The following ATIC variants were observed in gnomAD, a reference collection of about 807,000 sequenced individuals.
ATIC encodes the protein 5-aminoimidazole-4-carboxamide ribonucleotide formyltransferase/IMP cyclohydrolase, also known as bifunctional purine biosynthesis protein ATIC.
A neutral mutation model predicts 72.5 loss-of-function variants in ATIC; 64 were observed. The ratio of observed to expected loss-of-function variants is 0.88; its 90% CI spans 0.72 to 1.09. The LOEUF (loss-of-function observed/expected upper bound fraction) is 1.09. ATIC is among the 50% of genes least tolerant of loss of function. The pLI, the probability that ATIC is intolerant of heterozygous loss-of-function variation, is 0.00. For missense variants in ATIC, 787 were observed against 732.4 expected, an observed-to-expected ratio of 1.07 and a Z score of -0.86; for synonymous variants, 281 against 267.1, an observed-to-expected ratio of 1.05 and a Z score of -0.51.
the ATIC span, among the ~76,000 whole-genome samples, chr2:215,355,786 C>A: frequency 6.6e-6 from 1 of 152,208 alleles, no homozygotes; most frequent in South Asian, 2.1e-4. Context: ...GCTAGAAGGC[C>A]CCCACATTCC....
the ATIC span, among the ~76,000 whole-genome samples, chr2:215,359,189 A>G: frequency 6.6e-6 from 1 of 152,154 alleles, no homozygotes; most frequent in Non-Finnish European, 1.5e-5. Context: ...CGGCCCTTAC[A>G]CTGCATTTTA....
intron 7 of ATIC, among the ~76,000 whole-genome samples, chr2:215,329,040 A>G (rs769348497): frequency 4.3e-4 from 65 of 152,274 alleles, no homozygotes; most frequent in Non-Finnish European, 7.4e-4. Flanking sequence ...TTGAGAGCAG[A>G]AGCTGCATCT....
chr2:215,316,410 C>A (rs2052709804), intron 2 of ATIC, among the ~76,000 whole-genome samples: 1 of 152,142 alleles, frequency 6.6e-6, no homozygotes, highest in African/African-American at 2.4e-5. Flanking sequence ...CCAGGAAATT[C>A]CGTATCTTAC....
intron 11 of ATIC, among the ~76,000 whole-genome samples, chr2:215,338,016 A>T (rs1429943937): frequency 6.6e-6 from 1 of 152,248 alleles, no homozygotes; most frequent in Admixed American, 6.5e-5. Flanking sequence ...GGAACATTTT[A>T]GAATTCAAGA....
chr2:215,323,302 C>T (rs915390059), intron 4 of ATIC, among the ~76,000 whole-genome samples: 9 of 152,126 alleles, frequency 5.9e-5, no homozygotes, highest in Non-Finnish European at 1.5e-5. Context: ...CTTGCATTTC[C>T]ACATGATTTT....
chr2:215,341,860 G>A (rs930456269), intron 12 of ATIC, among the ~76,000 whole-genome samples: 2 of 152,110 alleles, frequency 1.3e-5, no homozygotes, highest in African/African-American at 4.8e-5. Context: ...AAATTCCTGA[G>A]ACTGGGCAAT....
intron 12 of ATIC, among the ~76,000 whole-genome samples, chr2:215,339,376 G>A (rs1345099940): frequency 6.6e-6 from 1 of 152,080 alleles, no homozygotes; most frequent in Non-Finnish European, 1.5e-5. Flanking sequence ...AATTAGCCTG[G>A]CGTGGTAGCT....
intron 2 of ATIC, among the ~76,000 whole-genome samples, chr2:215,316,785 G>A (rs952103845): frequency 2.6e-5 from 4 of 152,026 alleles, no homozygotes; most frequent in East Asian, 1.9e-4. Context: ...TTTTTGAGAC[G>A]GAGTTTTGCT....
the ATIC span, chr2:215,365,057 T>C: frequency 1.1e-6 from 1 of 948,280 alleles, no homozygotes; most frequent in Non-Finnish European, 1.7e-6. Context: ...AGGGGTGGGT[T>C]CTATTTCTGT....
At position 215,318,200 on chromosome 2, in the gene ATIC, C is replaced by T. The variant is rs759545338; in HGVS notation, c.190C>T (p.Arg64Cys). 19 of 1,613,826 alleles carry T rather than the reference C, an allele frequency of 1.2e-5. No homozygotes were observed. Among genetic ancestry groups the T allele is most frequent in the Non-Finnish European group, 1.3e-5 (15 of 1,179,956 alleles). ...LTGFPEMLGG[R>C]VKTLHPAVHA... is the part of the protein sequence containing the mutation. The stretch of plus-strand genomic sequence containing the variant: ...GGGATTTCCTGAAATGTTGGGGGGA[C>T]GTGTGAAAACTTTGCATCCTGCAGT... The change falls in exon 3 of 16, where the codon CGT becomes TGT. Residue 64 changes from arginine (R) to cysteine (C), a missense_variant. Physicochemically the swap from Arg to Cys is radical, Grantham distance 180. Coordinates refer to ENST00000236959, the MANE Select transcript of ATIC (RefSeq NM_004044.7).
chr2:215,365,237 C>T, the ATIC span, among the ~76,000 whole-genome samples: 2 of 152,142 alleles, frequency 1.3e-5, no homozygotes, highest in African/African-American at 2.4e-5. Flanking sequence ...AATCTACAGA[C>T]CAATAAAGCT....
At chr2:215,355,974 A>G in the ATIC span, among the ~76,000 whole-genome samples, 4 of 152,240 alleles carry the variant, frequency 2.6e-5, no homozygotes, top group Non-Finnish European at 5.9e-5. Context: ...AAGGCTGAAT[A>G]GCTTCTGGCT....
At chr2:215,324,000 G>A (rs551070745) in intron 4 of ATIC, among the ~76,000 whole-genome samples, 1 of 152,252 alleles carries the variant, frequency 6.6e-6, no homozygotes, top group African/African-American at 2.4e-5. Context: ...AACCTCAGTT[G>A]ATCCATCCTC....
At chr2:215,351,204 C>T (rs1416390308), downstream of ATIC, among the ~76,000 whole-genome samples, 2 of 152,166 alleles carry the variant, frequency 1.3e-5, no homozygotes, top group Admixed American at 1.3e-4. Flanking sequence ...CATGAGTGAG[C>T]CATCTCAGAG....
the ATIC span, chr2:215,365,644 G>A: frequency 2.0e-5 from 32 of 1,613,632 alleles, no homozygotes; most frequent in East Asian, 6.0e-4. Context: ...TAGGGGTGGG[G>A]AAAGTCAGGA....
chr2:215,349,053 G>A (rs376021465), intron 14 of ATIC, 41 bp from the exon 15 acceptor site: 68 of 1,610,252 alleles, frequency 4.2e-5, no homozygotes, highest in African/African-American at 3.2e-4. Context: ...AACTAAAGAC[G>A]ATGTCAGACC....
intron 2 of ATIC, among the ~76,000 whole-genome samples, chr2:215,316,763 GTATT>G (rs1363255995): frequency 1.3e-5 from 2 of 152,080 alleles, no homozygotes; most frequent in African/African-American, 4.8e-5. Flanking sequence ...TTATTTTTAT[GTATT>G]TATTTATTTT....
intron 2 of ATIC, among the ~76,000 whole-genome samples, chr2:215,315,936 CAGAG>C (rs1386466750): frequency 2.0e-5 from 3 of 148,676 alleles, no homozygotes; most frequent in Non-Finnish European, 4.4e-5. Context: ...GCCTGGATGA[CAGAG>C]AGAAACACTG....
Position 215,349,087 on chromosome 2 carries a change from C to T in ATIC, c.1504-7C>T, listed in dbSNP as rs200798009. The T allele has an allele frequency of 1.4e-4, 224 of 1,614,018 alleles. No homozygotes were observed. Among genetic ancestry groups the T allele is most frequent in the Middle Eastern group, 3.3e-4 (2 of 6,062 alleles). ...CCAAGCTTCTTCCTTTCTCTCTCCCCGCATAGGATGAAGATTTGATAAAGT... is the reference window on the plus strand; with the variant it reads ...CCAAGCTTCTTCCTTTCTCTCTCCCTGCATAGGATGAAGATTTGATAAAGT... On this transcript the variant is annotated splice_polypyrimidine_tract_variant and splice_region_variant and intron_variant, in intron 14 of 15. Coordinates refer to ENST00000236959, the MANE Select transcript of ATIC (RefSeq NM_004044.7).
Sources: gnomAD v4.1 joint callset for allele counts (sites outside exome capture counted in the v4.1 genomes callset) on GRCh38, gnomAD v4.1.1 for gene constraint, MANE v1.5 for transcripts, NCBI Gene and HGNC (gene_info 2026-07-23, HGNC 2026-07-21) for gene names.